SLC25A46: variants seen among roughly 807,000 people sequenced by gnomAD.
SLC25A46 encodes the protein solute carrier family 25 member 46, also known as mitochondrial outer membrane protein SLC25A46.
Under a neutral mutation model 44.6 loss-of-function variants are expected in SLC25A46, and 39 were observed. The observed-to-expected ratio is 0.87, with a 90% CI of 0.68 to 1.14. SLC25A46 has a LOEUF of 1.14. Ranked by LOEUF, SLC25A46 falls within the 50% of genes most tolerant of loss-of-function variation. The probability of loss-of-function intolerance (pLI) is 0.00; values close to 1 mark genes in which losing one functional copy is unlikely to be tolerated. For missense variants in SLC25A46, 547 were observed against 522.7 expected (o/e 1.05, Z -0.45); for synonymous variants, 202 against 185.8 (o/e 1.09, Z -0.71).
In SLC25A46 at chr5:110,756,734, C is replaced by T. The variant is rs779045479; in HGVS notation, c.653C>T (p.Ser218Leu). ...LTYVVAMPFY[S>L]ASLIETVQSE... ...TACGTGGTGGCAATGCCTTTTTATTCAGCAAGTCTGATTGAAACAGTGCAG... is the reference window on the plus strand; with the variant it reads ...TACGTGGTGGCAATGCCTTTTTATTTAGCAAGTCTGATTGAAACAGTGCAG... Residue 218 changes from serine to leucine, a missense_variant, in exon 7 of 8, where the codon TCA becomes TTA. Coordinates refer to ENST00000355943, the MANE Select transcript of SLC25A46 (RefSeq NM_138773.4). 6.4e-7 allele frequency: 1 copy of T among 1,568,840 alleles called. No individual in the cohort carries two copies. Among genetic ancestry groups the T allele is most frequent in the Non-Finnish European group, 8.6e-7 (1 of 1,164,330 alleles).
chr5:110,755,493 C>G lies in SLC25A46; in HGVS notation c.592C>G (p.Gln198Glu). 6.4e-7 allele frequency: 1 copy of G among 1,573,286 alleles called. No homozygotes were observed. Among genetic ancestry groups the G allele is most frequent in the Non-Finnish European group, 8.6e-7 (1 of 1,161,370 alleles). Residue 198 changes from glutamine to glutamate, a missense_variant, in exon 6 of 8, where the codon CAA (glutamine) becomes GAA (glutamate). Coordinates refer to ENST00000355943, the MANE Select transcript of SLC25A46 (RefSeq NM_138773.4). ...GGTTTTACATAAATGGAGTCCTAAA[C>G]AAATAGGAGAACACCTTCTACTGAA... Reference protein sequence around the residue: ...REVLHKWSPKQIGEHLLLKSL... With the variant: ...REVLHKWSPKEIGEHLLLKSL...
chr5:110,743,590 G>C (rs560666768), intron 2 of SLC25A46, 140 bp from the exon 3 acceptor site: 2 of 489,736 alleles, frequency 4.1e-6, no homozygotes, highest in Non-Finnish European at 7.2e-6. Flanking sequence ...CATTTTTAAA[G>C]ATCTATTTAA....
At position 110,761,595 on chromosome 5, in the gene SLC25A46, A is replaced by G. The variant is rs1229680117; in HGVS notation, c.1070A>G (p.Tyr357Cys). The change falls in exon 8 of 8, where the codon TAT becomes TGT. Residue 357 changes from tyrosine (Y) to cysteine (C), a missense_variant. Transcript: ENST00000355943. The surrounding 1 kb of genome is among the most constrained non-coding windows in gnomAD (Gnocchi z 5.3). ...RTIIDNTDLG[Y>C]EVLPINTQYE... is the part of the protein sequence containing the mutation. ...ATAATTGACAATACAGACCTTGGCT[A>G]TGAAGTGCTTCCAATTAATACACAA... 4 of 1,613,782 alleles carry G rather than the reference A, an allele frequency of 2.5e-6. No individual in the cohort carries two copies. In the South Asian group the frequency reaches 3.3e-5, roughly 13 times the overall value.
rs372780604 is a variant in SLC25A46 at position 110,739,279 on chromosome 5, A to G, written c.160A>G (p.Asn54Asp). The G allele has an allele frequency of 1.3e-5, 21 of 1,577,192 alleles. No homozygotes were observed. Among genetic ancestry groups the G allele is most frequent in the Non-Finnish European group, 1.8e-5 (21 of 1,161,674 alleles). The change falls in exon 1 of 8, where the codon AAC becomes GAC. Residue 54 changes from asparagine to aspartate, a missense_variant. By Grantham distance (23) the Asn-to-Asp change is conservative. Transcript: ENST00000355943. Reference protein sequence around the residue: ...TTPPDIPGSRNLHWGEKSPPY... With the variant: ...TTPPDIPGSRDLHWGEKSPPY... ...TCCCCCAGATATCCCCGGCAGCCGC[A>G]ACCTGCACTGGGGCGAGAAGAGCCC...
intron 5 of SLC25A46, chr5:110,755,235 C>T (rs550254915): frequency 4.9e-5 from 16 of 328,686 alleles, no homozygotes; most frequent in Non-Finnish European, 8.9e-5. Context: ...TCTTGCTTCT[C>T]TGCCAGCCCC....
At chr5:110,742,327 G>A (rs1279659222) in intron 2 of SLC25A46, among the ~76,000 whole-genome samples, 1 of 152,044 alleles carries the variant, frequency 6.6e-6, no homozygotes, top group African/African-American at 2.4e-5. Context: ...AAGTAATTTT[G>A]TAATGAGTAT....
rs1554091122 is a variant in SLC25A46 at position 110,739,253 on chromosome 5, C to T, written c.134C>T (p.Thr45Ile). Residue 45 changes from threonine to isoleucine, a missense_variant, in exon 1 of 8, where the codon ACT becomes ATT. Physicochemically the swap from Thr to Ile is moderately conservative, Grantham distance 89. Coordinates refer to ENST00000355943, the MANE Select transcript of SLC25A46 (RefSeq NM_138773.4). The stretch of plus-strand genomic sequence containing the variant: ...TCGGACCTGGGCCACTGGGTGACGA[C>T]TCCCCCAGATATCCCCGGCAGCCGC... ...TGSDLGHWVT[T>I]PPDIPGSRNL... is the part of the protein sequence containing the mutation. The T allele has an allele frequency of 6.3e-7, 1 of 1,584,064 alleles. No individual in the cohort carries two copies. The highest frequency in any genetic ancestry group is 8.6e-7 in the Non-Finnish European group (1 of 1,166,016).
At chr5:110,738,892 A>T (rs1025366718), upstream of SLC25A46, 1 of 1,126,060 alleles carries the variant, frequency 8.9e-7, no homozygotes. Flanking sequence ...CAAACTTTTA[A>T]GGTCCAGGTT....
intron 1 of SLC25A46, 148 bp downstream of exon 1, chr5:110,739,550 C>A: frequency 8.8e-7 from 1 of 1,141,032 alleles, no homozygotes; most frequent in Non-Finnish European, 1.2e-6. Context: ...CTTTGGTCCT[C>A]TGCCCCTGAG....
chr5:110,750,132 A>G (rs1171682531), intron 5 of SLC25A46, among the ~76,000 whole-genome samples: 1 of 152,058 alleles, frequency 6.6e-6, no homozygotes, highest in East Asian at 1.9e-4. Flanking sequence ...CTTTTTTCCA[A>G]TGTGATTGCT....
rs781764063 is a variant in SLC25A46 at position 110,761,268 on chromosome 5, T to A, written c.743T>A (p.Ile248Lys). The change falls in exon 8 of 8, where the codon ATA becomes AAA. Residue 248 changes from isoleucine to lysine, a missense_variant. By Grantham distance (102) the Ile-to-Lys change is moderately radical. Coordinates refer to ENST00000355943, the MANE Select transcript of SLC25A46 (RefSeq NM_138773.4). The surrounding 1 kb of genome is among the most constrained non-coding windows in gnomAD (Gnocchi z 5.3). ...ECVKEGIGRV[I>K]GMGVPHSKRL... ...GTTAAAGAAGGAATTGGAAGAGTGA[T>A]AGGCATGGGAGTGCCTCATAGCAAA... The A allele has an allele frequency of 1.2e-6, 2 of 1,613,604 alleles. No homozygotes were observed. The highest frequency in any genetic ancestry group is 1.7e-6 in the Non-Finnish European group (2 of 1,179,680).
chr5:110,746,464 G>C, intron 4 of SLC25A46, 118 bp downstream of exon 4: 2 of 642,042 alleles, frequency 3.1e-6, no homozygotes, highest in East Asian at 6.0e-5. Flanking sequence ...AACTGTTGTA[G>C]TAAAACTAAA....
chr5:110,739,224 C>A lies in SLC25A46; in HGVS notation c.105C>A (p.Thr35=). ...GGAFPARSFS[T]GSDLGHWVTT... Reference sequence around the variant, plus strand: ...CCTTCCCTGCAAGGTCCTTCAGCACCGGGTCGGACCTGGGCCACTGGGTGA... The same window carrying A: ...CCTTCCCTGCAAGGTCCTTCAGCACAGGGTCGGACCTGGGCCACTGGGTGA... Residue 35 remains threonine (T), a synonymous_variant, in exon 1 of 8, where the codon ACC becomes ACA. Transcript: ENST00000355943. The A allele has an allele frequency of 6.3e-7, 1 of 1,575,736 alleles. No homozygotes were observed.
At position 110,746,375 on chromosome 5, in the gene SLC25A46, G is replaced by A. The variant is rs199560984; in HGVS notation, c.462+29G>A. 523 of 1,460,862 alleles carry A rather than the reference G, an allele frequency of 3.6e-4. 2 individuals carry two copies. In the African/African-American group the frequency reaches 7.0e-3, roughly 20 times the overall value. 90.5% of individuals were successfully genotyped at this position (1,460,862 alleles called of 1,614,324 possible). Reference sequence around the variant, plus strand: ...AGAATTTTGTCTGGATTCTATTAAAGGTTTATATAAGTGTCATTTGGGTTT... The same window carrying A: ...AGAATTTTGTCTGGATTCTATTAAAAGTTTATATAAGTGTCATTTGGGTTT... On this transcript the variant is annotated intron_variant, in intron 4 of 7. Coordinates refer to ENST00000355943, the MANE Select transcript of SLC25A46 (RefSeq NM_138773.4).
intron 5 of SLC25A46, among the ~76,000 whole-genome samples, chr5:110,750,951 C>G (rs1301439625): frequency 3.3e-5 from 5 of 152,150 alleles, no homozygotes; most frequent in Admixed American, 1.3e-4. Flanking sequence ...AGGCATAGGA[C>G]TTTATAAAAT....
chr5:110,758,322 C>T (rs56077458), intron 7 of SLC25A46, among the ~76,000 whole-genome samples: 2,289 of 152,232 alleles, frequency 0.015, 31 homozygotes, highest in Non-Finnish European at 0.025. Flanking sequence ...TCTTCAGACT[C>T]AACTTTTAAA....
chr5:110,744,626 C>T (rs1799772139), intron 3 of SLC25A46, among the ~76,000 whole-genome samples: 1 of 152,126 alleles, frequency 6.6e-6, no homozygotes, highest in South Asian at 2.1e-4. Context: ...TATAGATTTT[C>T]CAAAATTCTG....
chr5:110,739,292 G>T lies in SLC25A46; in HGVS notation c.173G>T (p.Gly58Val). The change falls in exon 1 of 8, where the codon GGC becomes GTC. Residue 58 changes from glycine (G) to valine (V), a missense_variant. By Grantham distance (109) the Gly-to-Val change is moderately radical. Coordinates refer to ENST00000355943, the MANE Select transcript of SLC25A46 (RefSeq NM_138773.4). ...DIPGSRNLHW[G>V]EKSPPYGVPT... The stretch of plus-strand genomic sequence containing the variant: ...CCCGGCAGCCGCAACCTGCACTGGG[G>T]CGAGAAGAGCCCGCCCTACGGCGTG... 3 of 1,573,670 alleles carry T rather than the reference G, an allele frequency of 1.9e-6. No homozygotes were observed. The highest frequency in any genetic ancestry group is 2.6e-6 in the Non-Finnish European group (3 of 1,159,776).
intron 2 of SLC25A46, among the ~76,000 whole-genome samples, chr5:110,743,476 T>C (rs1016229160): frequency 2.3e-4 from 35 of 152,222 alleles, no homozygotes; most frequent in African/African-American, 7.9e-4. Flanking sequence ...ATTAATATTA[T>C]GTATTATGTA....
Sources: gnomAD v4.1 joint callset for allele counts (sites outside exome capture counted in the v4.1 genomes callset) on GRCh38, gnomAD v4.1.1 for gene constraint, Gnocchi (gnomAD v3.1) non-coding constraint, MANE v1.5 for transcripts, NCBI Gene and HGNC (gene_info 2026-07-23, HGNC 2026-07-21) for gene names.